TBCD: variants seen among roughly 807,000 people sequenced by gnomAD.
TBCD encodes tubulin-specific chaperone D.
A neutral mutation model predicts 169.3 loss-of-function variants in TBCD; 105 were observed. That is an observed-to-expected ratio of 0.62 (90% CI 0.53 to 0.73). The LOEUF (loss-of-function observed/expected upper bound fraction) is 0.73. TBCD is among the 30% of genes least tolerant of loss of function. TBCD has a pLI of 0.00. For missense variants in TBCD, 1,444 were observed against 1,600.1 expected (o/e 0.90, Z 1.66); for synonymous variants, 700 against 643.9 (o/e 1.09, Z -1.32).
rs116844427 is a variant in TBCD at position 82,908,620 on chromosome 17, A to C, written c.1984-665A>C. 4.2e-3 allele frequency among the ~76,000 whole-genome samples: 644 copies of C among 152,322 alleles called. 4 individuals are homozygous for C. Among genetic ancestry groups the C allele is most frequent in the Non-Finnish European group, 6.0e-3 (410 of 68,034 alleles). On this transcript the variant is annotated intron_variant, in intron 21 of 38. Transcript: ENST00000355528. The stretch of plus-strand genomic sequence containing the variant: ...TTTGGCAAAGCCATTTTGTTTGCTT[A>C]CATTTTTCACTTTTAATGTGGTGTC...
intron 14 of TBCD, chr17:82,877,059 TA>T: frequency 1.2e-6 from 1 of 813,250 alleles, no homozygotes; most frequent in Non-Finnish European, 1.5e-6. Context: ...ACACTTTAAA[TA>T]TAGTAATTTA....
intron 13 of TBCD, among the ~76,000 whole-genome samples, chr17:82,851,373 G>A (rs1418794872): frequency 4.6e-5 from 7 of 152,230 alleles, no homozygotes; most frequent in African/African-American, 1.7e-4. Flanking sequence ...CAGGTGTGAC[G>A]AAATTGTGGC....
Position 82,890,673 on chromosome 17 carries a change from C to T in TBCD, c.1563+976C>T, listed in dbSNP as rs922014139. 3.9e-5 allele frequency among the ~76,000 whole-genome samples: 6 copies of T among 152,078 alleles called. No homozygotes were observed. Among genetic ancestry groups the T allele is most frequent in the Non-Finnish European group, 4.4e-5 (3 of 68,000 alleles). ...TCTGTAGACGGAGCCCAGGAAGGGG[C>T]GTGACTACTTCTTGCTGGCCCGAGG... On this transcript the variant is annotated intron_variant, in intron 16 of 38. Transcript: ENST00000355528. The surrounding 1 kb of genome is among the most constrained non-coding windows in gnomAD (Gnocchi z 5.3).
chr17:82,878,637 T>C (rs1376072159), intron 14 of TBCD, among the ~76,000 whole-genome samples: 3 of 152,246 alleles, frequency 2.0e-5, no homozygotes, highest in Non-Finnish European at 2.9e-5. Context: ...AGATGGGGCC[T>C]GCCAGGTGCC....
chr17:82,753,980 G>A (rs1195663236), intron 1 of TBCD, among the ~76,000 whole-genome samples: 2 of 144,762 alleles, frequency 1.4e-5, no homozygotes, highest in African/African-American at 2.6e-5. Context: ...AGGTTCAAGT[G>A]ATTCTCCTGC....
intron 13 of TBCD, among the ~76,000 whole-genome samples, chr17:82,851,578 G>A (rs180920344): frequency 7.5e-4 from 114 of 152,340 alleles, no homozygotes; most frequent in South Asian, 6.2e-3. Flanking sequence ...CCTCAGACAC[G>A]TGTACAGAAA....
intron 23 of TBCD, among the ~76,000 whole-genome samples, chr17:82,919,846 G>A (rs1183899098): frequency 1.3e-5 from 2 of 152,160 alleles, no homozygotes; most frequent in African/African-American, 2.4e-5. Flanking sequence ...GACGGCCTCC[G>A]CATCTGTAGC....
intron 17 of TBCD, among the ~76,000 whole-genome samples, chr17:82,895,660 A>G (rs1316108074): frequency 6.6e-6 from 1 of 152,064 alleles, no homozygotes. Context: ...TTGCCAGGGC[A>G]TTACAGAGGG....
At chr17:82,785,006 G>A (rs2049206895) in intron 7 of TBCD, among the ~76,000 whole-genome samples, 2 of 137,602 alleles carry the variant, frequency 1.5e-5, no homozygotes, top group African/African-American at 5.7e-5. Flanking sequence ...GGTCCATGCT[G>A]TGTGACTGGG....
chr17:82,923,279 G>A lies in TBCD; in HGVS notation c.2179-373G>A, dbSNP rs952057582. Among the ~76,000 whole-genome samples the A allele has an allele frequency of 6.6e-6, 1 of 152,250 alleles. No homozygotes were observed. Among genetic ancestry groups the A allele is most frequent in the Non-Finnish European group, 1.5e-5 (1 of 68,040 alleles). On this transcript the variant is annotated intron_variant, in intron 25 of 38. Transcript: ENST00000355528. This position sits in a 1 kb window ranked among gnomAD's most constrained non-coding sequence, Gnocchi z 4.6. ...ATCCATTCAGTTTCTTAGTTGTAGT[G>A]GTAGTAAAGTGATGCGTGTATCTGA...
At chr17:82,901,564 G>A in intron 18 of TBCD, among the ~76,000 whole-genome samples, 1 of 150,780 alleles carries the variant, frequency 6.6e-6, no homozygotes, top group Admixed American at 6.6e-5. Flanking sequence ...CCTGGGGAGC[G>A]GCCCGGCTAC....
In TBCD at chr17:82,831,853, T is replaced by A; in HGVS notation, c.1318+16919T>A. 1 of 1,614,162 alleles carries A rather than the reference T, an allele frequency of 6.2e-7. No homozygotes were observed. Among genetic ancestry groups the A allele is most frequent in the Non-Finnish European group, 8.5e-7 (1 of 1,180,000 alleles). ...GGCTTTCCAGGGGTAGCCAGGAGTG[T>A]GGAAGGCCGACTTGGTGTGGAAAGA... On this transcript the variant is annotated intron_variant, in intron 13 of 38. Transcript: ENST00000355528. This position sits in a 1 kb window ranked among gnomAD's most constrained non-coding sequence, Gnocchi z 4.6.
At chr17:82,842,788 T>C (rs1598865363) in intron 13 of TBCD, among the ~76,000 whole-genome samples, 1 of 146,568 alleles carries the variant, frequency 6.8e-6, no homozygotes, top group Middle Eastern at 3.4e-3. Flanking sequence ...TTCTTTTTTT[T>C]TTTTTTTTTT....
intron 3 of TBCD, among the ~76,000 whole-genome samples, chr17:82,764,517 T>C (rs545896154): frequency 1.3e-5 from 2 of 152,094 alleles, no homozygotes; most frequent in Non-Finnish European, 2.9e-5. Flanking sequence ...TGGTGGCACA[T>C]GACTGTAATC....
At chr17:82,921,680 G>T (rs1568047810) in intron 25 of TBCD, 103 bp downstream of exon 25, 1 of 1,028,290 alleles carries the variant, frequency 9.7e-7, no homozygotes, top group Non-Finnish European at 1.5e-6. Flanking sequence ...GGCTGTCCCT[G>T]CAGTAGCCTG....
chr17:82,942,322 G>T, intron 38 of TBCD, 127 bp from the exon 39 acceptor site: 1 of 1,387,630 alleles, frequency 7.2e-7, no homozygotes, highest in East Asian at 2.3e-5. Flanking sequence ...TGTGGGAAAC[G>T]GCACAAATGG....
intron 34 of TBCD, among the ~76,000 whole-genome samples, chr17:82,936,235 T>C (rs1191145246): frequency 1.3e-5 from 2 of 152,266 alleles, no homozygotes; most frequent in Non-Finnish European, 2.9e-5. Context: ...CAGCTGCTGA[T>C]TCTCTCTGAA....
intron 35 of TBCD, 50 bp downstream of exon 35, chr17:82,937,410 C>G (rs1165055008): frequency 6.4e-7 from 1 of 1,563,452 alleles, no homozygotes; most frequent in Admixed American, 1.7e-5. Context: ...GGCGCAGCCT[C>G]CCTTGGCTGA....
intron 14 of TBCD, among the ~76,000 whole-genome samples, chr17:82,882,976 G>A (rs1000418254): frequency 7.2e-5 from 11 of 152,222 alleles, no homozygotes; most frequent in African/African-American, 2.7e-4. Context: ...GACGGTGCCC[G>A]CCCTACCGGG....
Sources: allele counts gnomAD v4.1 joint callset (sites outside exome capture counted in the v4.1 genomes callset), GRCh38; gene constraint gnomAD v4.1.1; non-coding constraint Gnocchi (gnomAD v3.1); transcripts MANE v1.5; gene names NCBI Gene and HGNC (gene_info 2026-07-23, HGNC 2026-07-21).